The following GALNT16 variants were observed in gnomAD, a reference collection of about 807,000 sequenced individuals.
GALNT16 encodes the protein UDP-GalNAc:polypeptide N-acetylgalactosaminyltransferase-like protein 1.
GALNT16 carries 40 observed loss-of-function variants against 76.1 expected under a neutral mutation model. The ratio of observed to expected loss-of-function variants is 0.53; its 90% CI spans 0.41 to 0.68. The LOEUF (loss-of-function observed/expected upper bound fraction) is 0.68. GALNT16 is among the 30% of genes least tolerant of loss of function. The pLI is 0.00. For synonymous variants in GALNT16, 276 were observed against 285.2 expected (o/e 0.97, Z 0.32); for missense variants, 621 against 731.9 (o/e 0.85, Z 1.75).
intron 1 of GALNT16, among the ~76,000 whole-genome samples, chr14:69,302,505 G>T (rs764843463): frequency 2.0e-5 from 3 of 152,124 alleles, no homozygotes; most frequent in Non-Finnish European, 2.9e-5. Flanking sequence ...TTCTAAAACA[G>T]TGTTTTTCAA....
chr14:69,338,352 T>A (rs1372649349), intron 9 of GALNT16, among the ~76,000 whole-genome samples: 2 of 152,232 alleles, frequency 1.3e-5, no homozygotes, highest in Non-Finnish European at 1.5e-5. Context: ...TGCCACTGTT[T>A]GGTTGTTTTC....
At chr14:69,305,127 C>T (rs2044912942) in intron 1 of GALNT16, among the ~76,000 whole-genome samples, 1 of 113,742 alleles carries the variant, frequency 8.8e-6, no homozygotes, top group South Asian at 3.8e-4. Context: ...CTCACCAACA[C>T]TTGTCTTTTT....
chr14:69,285,077 T>A lies in GALNT16; in HGVS notation c.177+24610T>A, dbSNP rs936766558. On this transcript the variant is annotated intron_variant, in intron 1 of 14. Coordinates refer to ENST00000448469, the MANE Select transcript of GALNT16 (RefSeq NM_001168368.2). Reference sequence around the variant, plus strand: ...TTTTTTTGAGACGGAGTGTCGCTCTTTCGCCCAGGCTGGAGTGGGGCAGCA... The same window carrying A: ...TTTTTTTGAGACGGAGTGTCGCTCTATCGCCCAGGCTGGAGTGGGGCAGCA... Among the ~76,000 whole-genome samples the A allele has an allele frequency of 2.0e-5, 3 of 148,804 alleles. No homozygotes were observed. The Admixed American group carries it at 2.1e-4, about 10-fold the overall frequency.
the GALNT16 span, among the ~76,000 whole-genome samples, chr14:69,377,078 TTGA>T: frequency 6.6e-6 from 1 of 152,230 alleles, no homozygotes; most frequent in African/African-American, 2.4e-5. Context: ...AGAGAAACAC[TTGA>T]TGATGCTGGG....
intron 1 of GALNT16, among the ~76,000 whole-genome samples, chr14:69,294,135 G>A (rs867149466): frequency 4.2e-4 from 64 of 151,154 alleles, no homozygotes; most frequent in African/African-American, 1.5e-3. Context: ...TGATCCACCC[G>A]CCTTGGCCTC....
At position 69,260,172 on chromosome 14, in the gene GALNT16, C is replaced by A; in HGVS notation, c.-119C>A. 1.0e-5 allele frequency: 4 copies of A among 385,166 alleles called. No individual in the cohort carries two copies. Among genetic ancestry groups the A allele is most frequent in the Middle Eastern group, 6.5e-4 (1 of 1,530 alleles). 23.9% of individuals were successfully genotyped at this position (385,166 alleles called of 1,614,324 possible). The stretch of plus-strand genomic sequence containing the variant: ...CCCCCACCTCTCTCCTTTTTCTGCT[C>A]TGCAGGACTGAGCAGCTAGGCGCGA... On this transcript the variant is annotated 5_prime_UTR_variant, in exon 1 of 15. In the 5' UTR this introduces an upstream ATG that the reference lacks. Coordinates refer to ENST00000448469, the MANE Select transcript of GALNT16 (RefSeq NM_001168368.2).
chr14:69,300,940 A>G (rs1427035482), intron 1 of GALNT16, among the ~76,000 whole-genome samples: 1 of 152,242 alleles, frequency 6.6e-6, no homozygotes, highest in Non-Finnish European at 1.5e-5. Flanking sequence ...TACTCAGAGT[A>G]CAAGAAATTC....
At chr14:69,334,827 C>T (rs1031448969) in intron 9 of GALNT16, among the ~76,000 whole-genome samples, 2 of 152,134 alleles carry the variant, frequency 1.3e-5, no homozygotes, top group Non-Finnish European at 2.9e-5. Flanking sequence ...GTCTCACAAA[C>T]AGCGACGTGG....
chr14:69,346,819 G>A (rs2045570608), intron 12 of GALNT16, among the ~76,000 whole-genome samples: 1 of 152,148 alleles, frequency 6.6e-6, no homozygotes, highest in Admixed American at 6.5e-5. Context: ...CTCCAGGGCA[G>A]AGGGTCCCAG....
At chr14:69,284,477 G>A (rs896545354) in intron 1 of GALNT16, among the ~76,000 whole-genome samples, 1 of 152,190 alleles carries the variant, frequency 6.6e-6, no homozygotes, top group Non-Finnish European at 1.5e-5. Flanking sequence ...ACACGTGGCT[G>A]CTCACTCATG....
At chr14:69,287,994 T>C (rs1156257361) in intron 1 of GALNT16, among the ~76,000 whole-genome samples, 1 of 152,188 alleles carries the variant, frequency 6.6e-6, no homozygotes, top group Non-Finnish European at 1.5e-5. Context: ...CCTCAAAGAC[T>C]GAAGTGCTAA....
the GALNT16 span, among the ~76,000 whole-genome samples, chr14:69,367,193 G>A: frequency 6.6e-6 from 1 of 152,106 alleles, no homozygotes; most frequent in Non-Finnish European, 1.5e-5. Flanking sequence ...ATCATGAAGG[G>A]CCTTGGGCGG....
At chr14:69,338,997 T>C (rs1388606849) in intron 10 of GALNT16, among the ~76,000 whole-genome samples, 1 of 151,846 alleles carries the variant, frequency 6.6e-6, no homozygotes, top group Non-Finnish European at 1.5e-5. Flanking sequence ...CATATGGACT[T>C]CCTTTGTCCA....
intron 1 of GALNT16, among the ~76,000 whole-genome samples, chr14:69,284,173 G>T (rs1464617243): frequency 1.3e-5 from 2 of 152,126 alleles, no homozygotes; most frequent in Non-Finnish European, 2.9e-5. Context: ...AACACCTGCT[G>T]CAGTTCCTCG....
At chr14:69,347,309 G>C in intron 13 of GALNT16, 128 bp downstream of exon 13, 9 of 899,786 alleles carry the variant, frequency 1.0e-5, no homozygotes, top group Non-Finnish European at 1.5e-5. Context: ...TTTGCCAGGG[G>C]CCCCTAGACC....
chr14:69,334,943 C>A (rs2140183058), intron 9 of GALNT16, among the ~76,000 whole-genome samples: 1 of 152,238 alleles, frequency 6.6e-6, no homozygotes, highest in Non-Finnish European at 1.5e-5. Context: ...TCACAGAGCC[C>A]TCTCCCACTG....
intron 2 of GALNT16, among the ~76,000 whole-genome samples, chr14:69,322,981 T>TGTGTGCGTGC: frequency 3.5e-5 from 1 of 28,348 alleles, no homozygotes; most frequent in South Asian, 1.5e-3. Context: ...TGTGTGTGTG[T>TGTGTGCGTGC]GCGCGCGCAC....
chr14:69,260,136 A>ACCTCCCCCC, upstream of GALNT16: 1 of 113,994 alleles, frequency 8.8e-6, no homozygotes, highest in Non-Finnish European at 1.8e-5. Context: ...TCTCCCTATC[A>ACCTCCCCCC]CCCCCCCGCC....
chr14:69,337,663 G>A (rs1040199565), intron 9 of GALNT16, among the ~76,000 whole-genome samples: 1 of 152,206 alleles, frequency 6.6e-6, no homozygotes, highest in Non-Finnish European at 1.5e-5. Flanking sequence ...CATTGATATA[G>A]CCATCCTTAC....
Sources: gnomAD v4.1 joint callset for allele counts (sites outside exome capture counted in the v4.1 genomes callset) on GRCh38, gnomAD v4.1.1 for gene constraint, MANE v1.5 for transcripts, NCBI Gene and HGNC (gene_info 2026-07-23, HGNC 2026-07-21) for gene names.